CCDC102B: variants seen among roughly 807,000 people sequenced by gnomAD.
CCDC102B encodes coiled-coil domain containing 102B, also known as coiled-coil domain-containing protein 102B.
A neutral mutation model predicts 57.4 loss-of-function variants in CCDC102B; 75 were observed. The observed-to-expected ratio is 1.31, with a 90% CI of 1.08 to 1.58. The LOEUF is 1.58. CCDC102B is among the 40% of genes most tolerant of loss of function. The pLI, the probability that CCDC102B is intolerant of heterozygous loss-of-function variation, is 0.00. For synonymous variants in CCDC102B, 206 were observed against 201.9 expected, an observed-to-expected ratio of 1.02 and a Z score of -0.17; for missense variants, 636 against 582.6, an observed-to-expected ratio of 1.09 and a Z score of -0.94.
rs149095551 is a variant in CCDC102B, at chr18:68,994,076, AGTGTATAT to A, written c.1264-16855_1264-16848del. 1.4e-3 allele frequency among the ~76,000 whole-genome samples: 212 copies of A among 148,648 alleles called. 1 individual carries two copies. Among genetic ancestry groups the A allele is most frequent in the African/African-American group, 4.9e-3 (200 of 40,844 alleles). On this transcript the variant is annotated intron_variant, in intron 6 of 7. Transcript: ENST00000360242. ...CCACTGGTCTGGCTAAATCCTACACAGTGTATATGTTGGACATTTATTTGTAATTTTTA... is the reference window on the plus strand; with the variant it reads ...CCACTGGTCTGGCTAAATCCTACACAGTTGGACATTTATTTGTAATTTTTA...
At chr18:68,933,039 G>A (rs1204712261) in intron 6 of CCDC102B, among the ~76,000 whole-genome samples, 1 of 151,612 alleles carries the variant, frequency 6.6e-6, no homozygotes, top group Non-Finnish European at 1.5e-5. Flanking sequence ...GATAAGTTGA[G>A]CAATTACAAT....
chr18:68,962,210 G>A (rs148151018), intron 6 of CCDC102B, among the ~76,000 whole-genome samples: 31 of 152,108 alleles, frequency 2.0e-4, no homozygotes, highest in African/African-American at 2.9e-4. Context: ...GTTTTTAAAA[G>A]CAAATAGAGC....
chr18:68,783,196 A>G (rs1374346549), intron 2 of CCDC102B, among the ~76,000 whole-genome samples: 1 of 152,112 alleles, frequency 6.6e-6, no homozygotes, highest in Non-Finnish European at 1.5e-5. Context: ...GTGGGTGGAG[A>G]GCAGGTAATC....
intron 7 of CCDC102B, among the ~76,000 whole-genome samples, chr18:69,048,305 A>G (rs935308807): frequency 2.0e-5 from 3 of 151,984 alleles, no homozygotes; most frequent in African/African-American, 7.2e-5. Context: ...TTAGTCAAAC[A>G]TTACTATTAG....
intron 6 of CCDC102B, among the ~76,000 whole-genome samples, chr18:68,956,426 TATACATTTTA>T (rs2049870354): frequency 2.2e-5 from 1 of 44,566 alleles, no homozygotes; most frequent in Non-Finnish European, 3.4e-5. Flanking sequence ...TTATATATAT[TATACATTTTA>T]TATATATTAT....
At chr18:68,801,646 T>C (rs1787257) in intron 1 of CCDC102B, among the ~76,000 whole-genome samples, 148,730 of 152,202 alleles carry the variant, frequency 0.98, 72,756 homozygotes, top group East Asian at 1. Flanking sequence ...AGAATTAAAG[T>C]TTCCAAAAAT....
chr18:68,810,586 T>A (rs2036205752), intron 1 of CCDC102B, among the ~76,000 whole-genome samples: 1 of 152,044 alleles, frequency 6.6e-6, no homozygotes, highest in African/African-American at 2.4e-5. Context: ...CTTGGGTAAT[T>A]GTAAACTTAG....
intron 1 of CCDC102B, among the ~76,000 whole-genome samples, chr18:68,715,819 C>T (rs1339570487): frequency 6.6e-6 from 1 of 152,162 alleles, no homozygotes; most frequent in Non-Finnish European, 1.5e-5. Context: ...GCAATCACTA[C>T]TTACGAACTA....
intron 5 of CCDC102B, among the ~76,000 whole-genome samples, chr18:68,880,531 G>A (rs1459233236): frequency 4.6e-5 from 7 of 152,238 alleles, no homozygotes; most frequent in Admixed American, 3.9e-4. Flanking sequence ...CGAGGGCTGT[G>A]AGGACTGCCA....
intron 2 of CCDC102B, among the ~76,000 whole-genome samples, chr18:68,777,684 T>C (rs1450227400): frequency 6.6e-6 from 1 of 152,074 alleles, no homozygotes; most frequent in Non-Finnish European, 1.5e-5. Flanking sequence ...TGATAAGCTA[T>C]TCAAGTAAAG....
intron 2 of CCDC102B, among the ~76,000 whole-genome samples, chr18:68,757,639 T>C (rs2034097590): frequency 6.6e-6 from 1 of 152,204 alleles, no homozygotes; most frequent in Non-Finnish European, 1.5e-5. Flanking sequence ...TTTATTTTGC[T>C]CTACTTATTT....
downstream of CCDC102B, among the ~76,000 whole-genome samples, chr18:69,055,355 ATC>A (rs2052798951): frequency 1.3e-5 from 2 of 152,036 alleles, no homozygotes; most frequent in Admixed American, 1.3e-4. Context: ...TAGTAATGAA[ATC>A]TATCTTGTCG....
At chr18:68,985,495 A>C (rs1453277355) in intron 6 of CCDC102B, among the ~76,000 whole-genome samples, 3 of 152,168 alleles carry the variant, frequency 2.0e-5, no homozygotes, top group African/African-American at 7.2e-5. Context: ...AAGCTATGTA[A>C]ACTGCTACTT....
chr18:68,985,829 A>G (rs1050237471), intron 6 of CCDC102B, among the ~76,000 whole-genome samples: 1 of 152,102 alleles, frequency 6.6e-6, no homozygotes, highest in Non-Finnish European at 1.5e-5. Context: ...TGGGAAATTG[A>G]TTTCTGTGCA....
chr18:68,827,932 A>G (rs2036971147), intron 1 of CCDC102B, among the ~76,000 whole-genome samples: 1 of 151,966 alleles, frequency 6.6e-6, no homozygotes, highest in Non-Finnish European at 1.5e-5. Context: ...ATGTCACTTC[A>G]GAACAAAACA....
intron 5 of CCDC102B, among the ~76,000 whole-genome samples, chr18:68,878,345 A>G (rs79591153): frequency 0.11 from 16,858 of 151,980 alleles, 1,303 homozygotes; most frequent in South Asian, 0.22. Context: ...TGATCCACTC[A>G]CCTCGGCCTC....
At chr18:68,766,317 T>C (rs2034468727) in intron 2 of CCDC102B, among the ~76,000 whole-genome samples, 1 of 152,126 alleles carries the variant, frequency 6.6e-6, no homozygotes, top group Non-Finnish European at 1.5e-5. Context: ...ATTACTGAAA[T>C]TTGAGGAAAG....
chr18:68,870,297 A>G (rs1319945501), intron 4 of CCDC102B, among the ~76,000 whole-genome samples: 2 of 152,132 alleles, frequency 1.3e-5, no homozygotes, highest in African/African-American at 4.8e-5. Context: ...ACCATGACAC[A>G]TGTATACCTA....
chr18:69,008,062 C>T (rs1234699877), intron 6 of CCDC102B, among the ~76,000 whole-genome samples: 1 of 152,200 alleles, frequency 6.6e-6, no homozygotes, highest in Admixed American at 6.5e-5. Context: ...GGAGAGAAAG[C>T]CATCAACTTG....
Sources: gnomAD v4.1 joint callset for allele counts (sites outside exome capture counted in the v4.1 genomes callset) on GRCh38, gnomAD v4.1.1 for gene constraint, MANE v1.5 for transcripts, NCBI Gene and HGNC (gene_info 2026-07-23, HGNC 2026-07-21) for gene names.